The following EFCAB5 variants were observed in gnomAD, a reference collection of about 807,000 sequenced individuals.
The protein encoded by EFCAB5 is EF-hand calcium binding domain 5.
In EFCAB5, 131 loss-of-function variants were observed where a neutral mutation model predicts 167.9. The ratio of observed to expected loss-of-function variants is 0.78; its 90% CI spans 0.68 to 0.90. The LOEUF (loss-of-function observed/expected upper bound fraction) is 0.90. EFCAB5 is among the 40% of genes least tolerant of loss of function. The pLI is 0.00. For synonymous variants in EFCAB5, 574 were observed against 602.8 expected, an observed-to-expected ratio of 0.95 and a Z score of 0.70; for missense variants, 1,663 against 1,745.2, an observed-to-expected ratio of 0.95 and a Z score of 0.84.
intron 22 of EFCAB5, among the ~76,000 whole-genome samples, chr17:30,095,627 A>G (rs1289267922): frequency 6.6e-6 from 1 of 152,208 alleles, no homozygotes; most frequent in Admixed American, 6.5e-5. Context: ...CCCACTGCAC[A>G]GCTAAGGACC....
chr17:30,049,516 A>C (rs950168094), intron 8 of EFCAB5, among the ~76,000 whole-genome samples: 4 of 152,076 alleles, frequency 2.6e-5, no homozygotes, highest in East Asian at 1.9e-4. Flanking sequence ...CAAAAAAAAA[A>C]CAAAAGAAAT....
chr17:29,963,009 A>G (rs904334674), intron 3 of EFCAB5, among the ~76,000 whole-genome samples: 36 of 152,118 alleles, frequency 2.4e-4, no homozygotes, highest in African/African-American at 2.4e-5. Flanking sequence ...TGGCATGATT[A>G]TGGCTCACTG....
chr17:29,947,266 G>T (rs148996939), intron 3 of EFCAB5, among the ~76,000 whole-genome samples: 2 of 151,930 alleles, frequency 1.3e-5, no homozygotes, highest in East Asian at 3.9e-4. Flanking sequence ...CTTTTCCAAC[G>T]ACTTGGATGG....
chr17:30,056,290 G>C, intron 12 of EFCAB5, 134 bp downstream of exon 12: 2 of 790,576 alleles, frequency 2.5e-6, no homozygotes. Flanking sequence ...TTTTGTCCTT[G>C]AGCTGGTGAA....
At chr17:29,978,701 G>A (rs1177030905) in intron 4 of EFCAB5, among the ~76,000 whole-genome samples, 3 of 152,182 alleles carry the variant, frequency 2.0e-5, no homozygotes, top group Non-Finnish European at 1.5e-5. Context: ...ACAAGGTGTG[G>A]TTGTCCTGAA....
At chr17:29,932,449 CTTTT>C (rs35262851) in intron 1 of EFCAB5, among the ~76,000 whole-genome samples, 10 of 66,706 alleles carry the variant, frequency 1.5e-4, no homozygotes, top group Admixed American at 2.5e-4. Context: ...CTGTGCCCGG[CTTTT>C]TTTTTTTTTT....
chr17:29,936,284 T>C (rs1004545284), intron 1 of EFCAB5, among the ~76,000 whole-genome samples: 1 of 151,576 alleles, frequency 6.6e-6, no homozygotes, highest in Non-Finnish European at 1.5e-5. Context: ...GGAAGGGGAA[T>C]ATCACACACT....
At chr17:30,098,536 G>T (rs891440628) in intron 22 of EFCAB5, among the ~76,000 whole-genome samples, 16 of 123,944 alleles carry the variant, frequency 1.3e-4, no homozygotes, top group Non-Finnish European at 1.9e-4. Context: ...TGTCTACAGA[G>T]AAAAAAAAAA....
chr17:29,952,348 G>T (rs1328906678), intron 3 of EFCAB5, among the ~76,000 whole-genome samples: 3 of 152,052 alleles, frequency 2.0e-5, no homozygotes, highest in African/African-American at 7.2e-5. Context: ...TATGAATTTT[G>T]GAGGAACACA....
chr17:30,011,562 T>A (rs887212102), intron 7 of EFCAB5, among the ~76,000 whole-genome samples: 5 of 152,136 alleles, frequency 3.3e-5, no homozygotes, highest in Admixed American at 6.5e-5. Flanking sequence ...ATTCTCTTTG[T>A]AGCAATTGTG....
At chr17:30,099,756 C>T (rs138232853) in intron 22 of EFCAB5, among the ~76,000 whole-genome samples, 34 of 152,162 alleles carry the variant, frequency 2.2e-4, no homozygotes, top group Admixed American at 7.2e-4. Context: ...CAAAATGTAT[C>T]CCGGATTCCA....
intron 7 of EFCAB5, among the ~76,000 whole-genome samples, chr17:30,007,796 G>A (rs748750975): frequency 8.5e-5 from 13 of 152,098 alleles, no homozygotes; most frequent in Non-Finnish European, 1.5e-4. Flanking sequence ...AGACCAGCCC[G>A]GGCAACATAG....
At chr17:30,039,521 C>T (rs2069712532) in intron 8 of EFCAB5, among the ~76,000 whole-genome samples, 1 of 152,178 alleles carries the variant, frequency 6.6e-6, no homozygotes, top group African/African-American at 2.4e-5. Flanking sequence ...ATACCTCTGC[C>T]ACTCCAGGGA....
chr17:29,994,487 T>C lies in EFCAB5; in HGVS notation c.924+1166T>C, dbSNP rs529389642. Among the ~76,000 whole-genome samples the C allele has an allele frequency of 5.3e-5, 8 of 151,920 alleles. No individual in the cohort carries two copies. In the East Asian group the frequency reaches 1.6e-3, roughly 29 times the overall value. ...TCCCAATCCTAATCACACAAAAAGGTTGGGAATCATTGAGAATATATGTGT... is the reference window on the plus strand; with the variant it reads ...TCCCAATCCTAATCACACAAAAAGGCTGGGAATCATTGAGAATATATGTGT... On this transcript the variant is annotated intron_variant, in intron 5 of 22. Transcript: ENST00000394835.
chr17:29,952,153 A>C (rs1297550004), intron 3 of EFCAB5, among the ~76,000 whole-genome samples: 1 of 152,162 alleles, frequency 6.6e-6, no homozygotes, highest in Non-Finnish European at 1.5e-5. Context: ...AGAGGAGATG[A>C]ACACTGTCCT....
At chr17:30,086,949 A>T in intron 18 of EFCAB5, 114 bp from the exon 19 acceptor site, 1 of 840,188 alleles carries the variant, frequency 1.2e-6, no homozygotes, top group Non-Finnish European at 1.8e-6. Context: ...CACTGTCCTT[A>T]AAGCCAGAGG....
At chr17:29,978,353 G>A (rs1010933040) in intron 4 of EFCAB5, among the ~76,000 whole-genome samples, 1 of 152,196 alleles carries the variant, frequency 6.6e-6, no homozygotes, top group African/African-American at 2.4e-5. Context: ...TGGAATTGTG[G>A]TAGGACTTTA....
At position 30,108,388 on chromosome 17, in the gene EFCAB5, T is replaced by TAGAATACGAAATAATAAAGATAAACCAAA. The variant is rs2071476889; in HGVS notation, c.*372_*400dup. The TAGAATACGAAATAATAAAGATAAACCAAA allele has an allele frequency of 6.2e-6, 1 of 161,360 alleles. No individual in the cohort carries two copies. Among genetic ancestry groups the TAGAATACGAAATAATAAAGATAAACCAAA allele is most frequent in the Non-Finnish European group, 1.3e-5 (1 of 74,318 alleles). 10.0% of individuals were successfully genotyped at this position (161,360 alleles called of 1,614,324 possible). On this transcript the variant is annotated 3_prime_UTR_variant, in exon 23 of 23. Transcript: ENST00000394835. ...GGATTTAGAAAACAAGAATACCAAATAGAATACGAAATAATAAAGATAAAC... is the reference window on the plus strand; with the variant it reads ...GGATTTAGAAAACAAGAATACCAAATAGAATACGAAATAATAAAGATAAACCAAAAGAATACGAAATAATAAAGATAAAC...
chr17:30,094,798 G>T (rs2071265963), intron 22 of EFCAB5, among the ~76,000 whole-genome samples: 1 of 152,148 alleles, frequency 6.6e-6, no homozygotes, highest in Non-Finnish European at 1.5e-5. Context: ...TAGCTTTGTT[G>T]GGCAGGCCTG....
Sources: allele counts gnomAD v4.1 joint callset (sites outside exome capture counted in the v4.1 genomes callset), GRCh38; gene constraint gnomAD v4.1.1; transcripts MANE v1.5; gene names NCBI Gene and HGNC (gene_info 2026-07-23, HGNC 2026-07-21).